Variants in DIAPH2 observed in about 807,000 individuals in gnomAD.
DIAPH2 encodes protein diaphanous homolog 2.
DIAPH2 carries 35 observed loss-of-function variants against 92.7 expected under a neutral mutation model. The ratio of observed to expected loss-of-function variants is 0.38; its 90% CI spans 0.29 to 0.50. DIAPH2 has a LOEUF of 0.50. Among genes scored for constraint, DIAPH2 ranks in the 20% least tolerant of loss-of-function variants. The pLI, the probability that DIAPH2 is intolerant of heterozygous loss-of-function variation, is 0.94. For missense variants in DIAPH2, 701 were observed against 819.5 expected, an observed-to-expected ratio of 0.86 and a Z score of 1.77; for synonymous variants, 301 against 280.4, an observed-to-expected ratio of 1.07 and a Z score of -0.73.
intron 26 of DIAPH2, among the ~76,000 whole-genome samples, chrX:97,579,243 G>T (rs1301095557): frequency 9.1e-6 from 1 of 110,408 alleles, no homozygotes; most frequent in African/African-American, 3.3e-5. Flanking sequence ...TGAAGTCCTT[G>T]CCCATGCCTA....
intron 4 of DIAPH2, among the ~76,000 whole-genome samples, chrX:96,783,134 G>A (rs946413489): frequency 2.7e-5 from 3 of 111,589 alleles, no homozygotes; most frequent in Admixed American, 1.9e-4. Context: ...AATAAAGGAC[G>A]GTGTGGGGAT....
At chrX:96,991,888 T>C (rs12851340) in intron 17 of DIAPH2, among the ~76,000 whole-genome samples, 3 of 111,435 alleles carry the variant, frequency 2.7e-5, no homozygotes, top group Non-Finnish European at 5.7e-5. Flanking sequence ...TTAAGTGCAG[T>C]TACTGTGCTT....
intron 17 of DIAPH2, among the ~76,000 whole-genome samples, chrX:96,973,344 A>G (rs1472377625): frequency 9.0e-6 from 1 of 111,552 alleles, no homozygotes; most frequent in Non-Finnish European, 1.9e-5. Context: ...CAAAAAGTAC[A>G]AAAATTAACT....
intron 21 of DIAPH2, among the ~76,000 whole-genome samples, chrX:97,127,972 C>T (rs1446957441): frequency 3.6e-5 from 4 of 111,298 alleles, no homozygotes; most frequent in East Asian, 2.8e-4. Flanking sequence ...CGCGCCACTA[C>T]ACTCCGCCTC....
chrX:97,579,182 G>C (rs1215368483), intron 26 of DIAPH2, among the ~76,000 whole-genome samples: 11 of 105,846 alleles, frequency 1.0e-4, no homozygotes, highest in African/African-American at 3.4e-4. Context: ...TTAATTAGAT[G>C]CCATTTGTCA....
chrX:96,999,533 G>T (rs992283863), intron 17 of DIAPH2, among the ~76,000 whole-genome samples: 2 of 104,664 alleles, frequency 1.9e-5, no homozygotes, highest in Non-Finnish European at 3.9e-5. Flanking sequence ...GTCTAATTTC[G>T]AATATAGCTC....
chrX:97,357,678 T>C (rs1349185259), intron 24 of DIAPH2, among the ~76,000 whole-genome samples: 1 of 112,006 alleles, frequency 8.9e-6, no homozygotes, highest in Non-Finnish European at 1.9e-5. Context: ...TCTCGAAGGA[T>C]ATGTATGAAT....
chrX:97,088,105 AC>A (rs2066796481), intron 19 of DIAPH2, among the ~76,000 whole-genome samples: 1 of 111,705 alleles, frequency 9.0e-6, no homozygotes, highest in Non-Finnish European at 1.9e-5. Flanking sequence ...AATGATTGCC[AC>A]CTGTTTTCTT....
chrX:96,864,584 A>G (rs1245564228), intron 4 of DIAPH2, among the ~76,000 whole-genome samples: 1 of 111,899 alleles, frequency 8.9e-6, no homozygotes, highest in African/African-American at 3.2e-5. Context: ...TTTTCTTACA[A>G]TTGGAATGTC....
chrX:97,095,098 C>CTTTTTTTTTTTTTTTTT lies in DIAPH2; in HGVS notation c.2248-4576_2248-4560dup, dbSNP rs61350837. The stretch of plus-strand genomic sequence containing the variant: ...GACTTTTAGGGAAATGTTTCTTTTT[C>CTTTTTTTTTTTTTTTTT]TTTTTTTTTTTTTTTTTTTTTTTTT... On this transcript the variant is annotated intron_variant, in intron 19 of 26. Transcript: ENST00000324765. Among the ~76,000 whole-genome samples the CTTTTTTTTTTTTTTTTT allele has an allele frequency of 2.7e-4, 6 of 22,406 alleles. 1 individual carries two copies. Among genetic ancestry groups the CTTTTTTTTTTTTTTTTT allele is most frequent in the Non-Finnish European group, 3.6e-4 (4 of 11,109 alleles). 19.5% of individuals were successfully genotyped at this position (22,406 alleles called of 115,157 possible).
intron 22 of DIAPH2, among the ~76,000 whole-genome samples, chrX:97,164,855 G>A (rs946550096): frequency 2.4e-4 from 27 of 112,444 alleles, no homozygotes; most frequent in African/African-American, 8.1e-4. Flanking sequence ...AAGGTTTGCC[G>A]TATGGTCCTC....
At chrX:96,685,472 A>G (rs1042170608) in intron 1 of DIAPH2, among the ~76,000 whole-genome samples, 1 of 113,077 alleles carries the variant, frequency 8.8e-6, no homozygotes, top group Non-Finnish European at 1.9e-5. Flanking sequence ...CACCCCGAGT[A>G]CTGGGTAGGG....
intron 25 of DIAPH2, among the ~76,000 whole-genome samples, chrX:97,415,594 A>G (rs767322431): frequency 3.4e-4 from 37 of 109,414 alleles, no homozygotes; most frequent in Non-Finnish European, 5.9e-4. Flanking sequence ...TGAGCAAAGT[A>G]TCACAGGGAC....
At chrX:97,100,638 C>T (rs888693402) in intron 20 of DIAPH2, among the ~76,000 whole-genome samples, 3 of 111,800 alleles carry the variant, frequency 2.7e-5, no homozygotes, top group African/African-American at 9.7e-5. Flanking sequence ...ACCAACTTTA[C>T]CCTGGCTCCC....
At position 97,501,979 on chromosome X, in the gene DIAPH2, C is replaced by A. The variant is rs896199529; in HGVS notation, c.3241+72234C>A. Among the ~76,000 whole-genome samples the A allele has an allele frequency of 3.6e-5, 4 of 111,051 alleles. No homozygotes were observed. The Admixed American group carries it at 3.8e-4, about 11-fold the overall frequency. On this transcript the variant is annotated intron_variant, in intron 26 of 26. Coordinates refer to ENST00000324765, the MANE Select transcript of DIAPH2 (RefSeq NM_006729.5). ...CACCAAGCCCAACTAATTTTTGTCTCTTTAGTAGAGACAGGGTTTCGCCAT... is the reference window on the plus strand; with the variant it reads ...CACCAAGCCCAACTAATTTTTGTCTATTTAGTAGAGACAGGGTTTCGCCAT...
intron 19 of DIAPH2, among the ~76,000 whole-genome samples, chrX:97,077,315 G>C (rs1200837616): frequency 8.9e-6 from 1 of 111,780 alleles, no homozygotes; most frequent in African/African-American, 3.2e-5. Flanking sequence ...CAGAACATTT[G>C]TTTCAGTGAT....
At chrX:97,177,144 G>A (rs1377475959) in intron 22 of DIAPH2, among the ~76,000 whole-genome samples, 2 of 111,033 alleles carry the variant, frequency 1.8e-5, no homozygotes, top group Non-Finnish European at 3.8e-5. Flanking sequence ...ATGGAGGGTG[G>A]AGGGCCTACT....
intron 26 of DIAPH2, among the ~76,000 whole-genome samples, chrX:97,517,720 A>G (rs1052247049): frequency 8.9e-6 from 1 of 112,617 alleles, no homozygotes; most frequent in Non-Finnish European, 1.9e-5. Context: ...AATAGCTTTT[A>G]TGATTTTAAA....
At chrX:96,893,980 C>T (rs1400681457) in intron 5 of DIAPH2, among the ~76,000 whole-genome samples, 1 of 112,156 alleles carries the variant, frequency 8.9e-6, no homozygotes, top group African/African-American at 3.2e-5. Flanking sequence ...TCACACCAGG[C>T]AGTTTAAACC....
Sources: gnomAD v4.1 joint callset for allele counts (sites outside exome capture counted in the v4.1 genomes callset) on GRCh38, gnomAD v4.1.1 for gene constraint, MANE v1.5 for transcripts, NCBI Gene and HGNC (gene_info 2026-07-23, HGNC 2026-07-21) for gene names.